MMS22L: variants seen among roughly 807,000 people sequenced by gnomAD.
MMS22L encodes the protein protein MMS22-like.
Under a neutral mutation model 159.1 loss-of-function variants are expected in MMS22L, and 74 were observed. The observed-to-expected ratio is 0.47, with a 90% CI of 0.39 to 0.56. MMS22L has a LOEUF of 0.56. Ranked by LOEUF, MMS22L falls within the 20% of genes least tolerant of loss-of-function variation. The probability of loss-of-function intolerance (pLI) is 0.00; values close to 1 mark genes in which losing one functional copy is unlikely to be tolerated. For synonymous variants in MMS22L, 517 were observed against 506.9 expected (o/e 1.02, Z -0.27); for missense variants, 1,351 against 1,422.1 (o/e 0.95, Z 0.80).
At chr6:97,268,842 T>C (rs895469846) in intron 7 of MMS22L, among the ~76,000 whole-genome samples, 20 of 152,082 alleles carry the variant, frequency 1.3e-4, no homozygotes, top group Non-Finnish European at 2.5e-4. Flanking sequence ...CATCTTCATA[T>C]GTTTCTGTGT....
In MMS22L at chr6:97,246,639, T is replaced by C; in HGVS notation, c.1171A>G (p.Ile391Val). 1.2e-6 allele frequency: 2 copies of C among 1,611,684 alleles called. No individual in the cohort carries two copies. Among genetic ancestry groups the C allele is most frequent in the Non-Finnish European group, 1.7e-6 (2 of 1,178,880 alleles). ...NFVEELLKKS[I>V]SVQGVILEEQ... is the part of the protein sequence containing the mutation. ...CTTTAATTGCATACCTGAACACTGA[T>C]GGACTTTTTCAGCAGTTCTTCTACA... The change falls in exon 11 of 25, where the codon ATC (isoleucine) becomes GTC (valine). Residue 391 changes from isoleucine to valine, a missense_variant. Coordinates refer to ENST00000683635, the MANE Select transcript of MMS22L (RefSeq NM_001350599.2).
upstream of MMS22L, chr6:97,283,367 T>A (rs1816947465): frequency 1.3e-5 from 2 of 150,232 alleles, no homozygotes; most frequent in African/African-American, 2.5e-5. Flanking sequence ...ATTGGTGCGT[T>A]CGGCTGAAAG....
chr6:97,260,015 G>C (rs886208113), intron 9 of MMS22L: 4 of 152,082 alleles, frequency 2.6e-5, no homozygotes, highest in African/African-American at 9.7e-5. Context: ...CTTGTTTTAA[G>C]TTGACTTTGC....
chr6:97,181,988 A>G lies in MMS22L; in HGVS notation c.2300T>C (p.Ile767Thr). Residue 767 changes from isoleucine (I) to threonine (T), a missense_variant, in exon 16 of 25, where the codon ATA (isoleucine) becomes ACA (threonine). By Grantham distance (89) the Ile-to-Thr change is moderately conservative. Coordinates refer to ENST00000683635, the MANE Select transcript of MMS22L (RefSeq NM_001350599.2). ...CCAACCAAAAAGTTGAATAATTGAT[A>G]TAACTGGCTGAGGCTGAAAATCTGA... Reference protein sequence around the residue: ...APSDFQPQPVISIIQLFGWDD... With the variant: ...APSDFQPQPVTSIIQLFGWDD... 1 of 1,613,878 alleles carries G rather than the reference A, an allele frequency of 6.2e-7. No homozygotes were observed. The highest frequency in any genetic ancestry group is 8.5e-7 in the Non-Finnish European group (1 of 1,179,798).
intron 9 of MMS22L, among the ~76,000 whole-genome samples, chr6:97,255,729 T>G (rs1314088288): frequency 6.6e-6 from 1 of 151,554 alleles, no homozygotes; most frequent in Non-Finnish European, 1.5e-5. Context: ...AACTTATGAG[T>G]TATTTAGAAA....
intron 8 of MMS22L, chr6:97,265,887 A>T (rs1237924732): frequency 1.3e-5 from 2 of 152,054 alleles, no homozygotes; most frequent in Non-Finnish European, 2.9e-5. Context: ...ATGCCCGGCT[A>T]ATTTTTTGTA....
intron 9 of MMS22L, chr6:97,260,183 C>A (rs559599344): frequency 3.3e-5 from 5 of 152,118 alleles, no homozygotes; most frequent in Non-Finnish European, 1.5e-5. Context: ...AATTATCCAG[C>A]AGACCCTTTC....
chr6:97,201,911 A>T (rs1183970526), intron 14 of MMS22L, among the ~76,000 whole-genome samples: 1 of 152,214 alleles, frequency 6.6e-6, no homozygotes, highest in East Asian at 1.9e-4. Flanking sequence ...ATATTGGACA[A>T]GCTATGTGTT....
intron 17 of MMS22L, 108 bp downstream of exon 17, chr6:97,179,300 T>C (rs1562423874): frequency 1.1e-6 from 1 of 925,766 alleles, no homozygotes. Flanking sequence ...TCATACCCAA[T>C]TACGAATATT....
intron 9 of MMS22L, among the ~76,000 whole-genome samples, chr6:97,255,144 A>G (rs1355675891): frequency 3.9e-5 from 6 of 152,078 alleles, no homozygotes; most frequent in Admixed American, 3.9e-4. Context: ...GTTTCTGATG[A>G]ACTCATCTAT....
intron 21 of MMS22L, among the ~76,000 whole-genome samples, chr6:97,164,159 G>A (rs925183372): frequency 6.6e-6 from 1 of 151,944 alleles, no homozygotes; most frequent in East Asian, 1.9e-4. Flanking sequence ...AATAGGAAAA[G>A]GAGGACAGGA....
intron 12 of MMS22L, among the ~76,000 whole-genome samples, chr6:97,232,056 T>C (rs569022994): frequency 1.3e-5 from 2 of 152,290 alleles, no homozygotes; most frequent in South Asian, 2.1e-4. Flanking sequence ...ATGGCTCTAG[T>C]GTTACTTAAT....
chr6:97,167,372 T>A (rs921870878), intron 20 of MMS22L, among the ~76,000 whole-genome samples: 1 of 152,148 alleles, frequency 6.6e-6, no homozygotes, highest in Non-Finnish European at 1.5e-5. Flanking sequence ...AATCTGCTGT[T>A]ATGGGTTTTA....
intron 14 of MMS22L, among the ~76,000 whole-genome samples, chr6:97,195,724 T>C (rs1338282947): frequency 3.9e-5 from 6 of 152,128 alleles, no homozygotes; most frequent in Non-Finnish European, 8.8e-5. Flanking sequence ...TGGAGGGTGA[T>C]ATAATGAAAA....
At chr6:97,152,105 G>GA (rs1801377782) in intron 22 of MMS22L, among the ~76,000 whole-genome samples, 1 of 151,922 alleles carries the variant, frequency 6.6e-6, no homozygotes, top group African/African-American at 2.4e-5. Flanking sequence ...AATAATACAT[G>GA]AAGACCTATT....
At chr6:97,224,226 A>G (rs186854097) in intron 14 of MMS22L, among the ~76,000 whole-genome samples, 2 of 152,282 alleles carry the variant, frequency 1.3e-5, no homozygotes, top group Non-Finnish European at 2.9e-5. Flanking sequence ...ATCAATGTAA[A>G]CTTAACTTCA....
intron 10 of MMS22L, chr6:97,253,899 C>CT (rs1326620064): frequency 6.6e-6 from 1 of 152,118 alleles, no homozygotes; most frequent in African/African-American, 2.4e-5. Context: ...AGCTGATAGG[C>CT]TGATACAATA....
chr6:97,246,277 T>C (rs1812631260), intron 11 of MMS22L: 5 of 401,588 alleles, frequency 1.2e-5, no homozygotes, highest in Non-Finnish European at 2.4e-5. Flanking sequence ...CTTCCTGCTG[T>C]GATGAGGATA....
intron 23 of MMS22L, 23 bp from the exon 24 acceptor site, chr6:97,150,043 T>G: frequency 6.2e-7 from 1 of 1,606,656 alleles, no homozygotes; most frequent in Non-Finnish European, 8.5e-7. Flanking sequence ...CAGGTTTATT[T>G]AGGATTACTC....
Sources: gnomAD v4.1 joint callset for allele counts (sites outside exome capture counted in the v4.1 genomes callset) on GRCh38, gnomAD v4.1.1 for gene constraint, MANE v1.5 for transcripts, NCBI Gene and HGNC (gene_info 2026-07-23, HGNC 2026-07-21) for gene names.